MUC5AC: variants seen among roughly 807,000 people sequenced by gnomAD.
MUC5AC encodes the protein mucin 5AC, oligomeric mucus/gel-forming, also known as mucin-5AC.
MUC5AC carries 158 observed loss-of-function variants against 169.7 expected under a neutral mutation model. That is an observed-to-expected ratio of 0.93 (90% CI 0.82 to 1.06). The LOEUF (loss-of-function observed/expected upper bound fraction) is 1.06, where lower values mean the gene tolerates loss of function less well. Ranked by LOEUF, MUC5AC falls within the 50% of genes least tolerant of loss-of-function variation. MUC5AC has a pLI of 0.00. For missense variants in MUC5AC, 4,359 were observed against 3,089.9 expected (o/e 1.41, Z -9.74); for synonymous variants, 1,975 against 1,237.0 (o/e 1.60, Z -12.52).
chr11:1,180,622 C>A (rs922360196), intron 28 of MUC5AC, 106 bp downstream of exon 28: 6 of 397,966 alleles, frequency 1.5e-5, no homozygotes, highest in Admixed American at 4.4e-5. Context: ...GGGACCTCCC[C>A]GTTACTGGAG....
rs1463695187 is a variant in MUC5AC at position 1,192,485 on chromosome 11, A to C, written c.14340A>C (p.Gln4780His). 1 of 764,986 alleles carries C rather than the reference A, an allele frequency of 1.3e-6. No homozygotes were observed. The highest frequency in any genetic ancestry group is 2.4e-5 in the East Asian group (1 of 41,244). The allele number at this position is 764,986 out of a possible 1,614,324, so 47.4% of individuals were successfully genotyped here. ...CCAGCTCTGTGGCTTACTCCACCCA[A>C]ACCTGCTTCTGCAACGTGGCTGACC... ...VASSSVAYSTQTCFCNVADRL... is the reference protein window; with the variant it reads ...VASSSVAYSTHTCFCNVADRL... Residue 4780 changes from glutamine to histidine, a missense_variant, in exon 31 of 49, where the codon CAA becomes CAC. By Grantham distance (24) the Gln-to-His change is conservative (BLOSUM62 0). Transcript: ENST00000621226.
At chr11:1,163,236 G>A (rs1860198757) in intron 6 of MUC5AC, among the ~76,000 whole-genome samples, 191 bp downstream of exon 6, 1 of 152,256 alleles carries the variant, frequency 6.6e-6, no homozygotes, top group African/African-American at 2.4e-5. Flanking sequence ...AGGAGTGCAG[G>A]CAGGGAGCAA....
At position 1,192,400 on chromosome 11, in the gene MUC5AC, C is replaced by T; in HGVS notation, c.14255C>T (p.Ser4752Phe). 3 of 765,180 alleles carry T rather than the reference C, an allele frequency of 3.9e-6. No homozygotes were observed. The highest frequency in any genetic ancestry group is 7.2e-6 in the Non-Finnish European group (3 of 417,914). 47.4% of individuals were successfully genotyped at this position (765,180 alleles called of 1,614,324 possible). A position where few individuals can be genotyped will look rare whatever the true frequency, so the allele number is the denominator to read the frequency against. ...ACCAATGCTCTGTATCCTTCCCTGT[C>T]TACTTCCATGGTATCCGCCTCCGTG... ...SPTNALYPSL[S>F]TSMVSASVAS... is the part of the protein sequence containing the mutation. The change falls in exon 31 of 49, where the codon TCT (serine) becomes TTT (phenylalanine). Residue 4752 changes from serine to phenylalanine, a missense_variant. Physicochemically the swap from Ser to Phe is radical, Grantham distance 155. Coordinates refer to ENST00000621226, the MANE Select transcript of MUC5AC (RefSeq NM_001304359.2).
chr11:1,167,628 T>C (rs1414920321), intron 11 of MUC5AC, among the ~76,000 whole-genome samples: 1 of 152,180 alleles, frequency 6.6e-6, no homozygotes, highest in Non-Finnish European at 1.5e-5. Flanking sequence ...ACCTTCTGAG[T>C]GCTGTCTTTC....
chr11:1,158,760 TGCTCCTGG>T (rs1860039069), intron 1 of MUC5AC, among the ~76,000 whole-genome samples: 1 of 151,886 alleles, frequency 6.6e-6, no homozygotes, highest in African/African-American at 2.4e-5. Flanking sequence ...GGGGGGTGGG[TGCTCCTGG>T]GCTCCTGGAA....
chr11:1,198,003 C>T lies in MUC5AC; in HGVS notation c.16134C>T (p.Cys5378=), dbSNP rs755940469. Residue 5378 remains cysteine, a splice_region_variant and synonymous_variant, in exon 42 of 49, where the codon TGC becomes TGT. Transcript: ENST00000621226. ...GGGCCTGCTGCCCAGTCCAAAACTG[C>T]AGTGAGTGGCCTGGACCAGGCCCTG... The part of the protein sequence containing the change: ...QEGACCPVQN[C]SWTVCSINGT... 1.6e-4 allele frequency: 109 copies of T among 697,682 alleles called. No individual in the cohort carries two copies. The highest frequency in any genetic ancestry group is 1.5e-3 in the Middle Eastern group (6 of 4,026). The allele number at this position is 697,682 out of a possible 1,614,324, so 43.2% of individuals were successfully genotyped here.
chr11:1,178,685 TATGCTGGCC>T lies in MUC5AC; in HGVS notation c.3327+3_3327+11del, dbSNP rs1860743496. The T allele has an allele frequency of 7.7e-7, 1 of 1,290,856 alleles. No individual in the cohort carries two copies. The highest frequency in any genetic ancestry group is 9.9e-7 in the Non-Finnish European group (1 of 1,008,610). 80.0% of individuals were successfully genotyped at this position (1,290,856 alleles called of 1,614,324 possible). ...ACCTTCGCCGCCTGCCACGCACACG[TATGCTGGCC>T]GGGGGGCGTTTCTCTGGGCCCAAGG... is the stretch of plus-strand genomic sequence containing the variant. On this transcript the variant is annotated splice_donor_5th_base_variant and intron_variant, in intron 25 of 48. Transcript: ENST00000621226.
At chr11:1,194,011 T>TG (rs1861192179) in intron 33 of MUC5AC, 99 bp from the exon 34 acceptor site, 4 of 698,778 alleles carry the variant, frequency 5.7e-6, no homozygotes, top group Admixed American at 5.6e-5. Context: ...GATGAGACGG[T>TG]GGGGGGTCAG....
chr11:1,173,016 G>GC (rs1392311162), intron 16 of MUC5AC, among the ~76,000 whole-genome samples: 1,319 of 95,606 alleles, frequency 0.014, 19 homozygotes, highest in African/African-American at 0.051. Flanking sequence ...TCACCCATTC[G>GC]CCCCCCCACT....
intron 16 of MUC5AC, among the ~76,000 whole-genome samples, chr11:1,172,875 C>A (rs1288796024): frequency 6.6e-6 from 1 of 151,574 alleles, no homozygotes; most frequent in Non-Finnish European, 1.5e-5. Context: ...CTCACTCACC[C>A]ATTCACCCAT....
At position 1,200,678 on chromosome 11, in the gene MUC5AC, C is replaced by A; in HGVS notation, c.16941C>A (p.Gly5647=). Residue 5647 remains glycine, a synonymous_variant, in exon 49 of 49, where the codon GGC becomes GGA. Coordinates refer to ENST00000621226, the MANE Select transcript of MUC5AC (RefSeq NM_001304359.2). ...CAGAGAGTGGGAGCTGGGAGAGAGGCGTCCCAGTGTCCCCCATGCACTGAC... is the reference window on the plus strand; with the variant it reads ...CAGAGAGTGGGAGCTGGGAGAGAGGAGTCCCAGTGTCCCCCATGCACTGAC... The part of the protein sequence containing the change: ...QEAESGSWER[G]VPVSPMH 1.3e-6 allele frequency: 1 copy of A among 760,076 alleles called. No individual in the cohort carries two copies. The highest frequency in any genetic ancestry group is 2.4e-6 in the Non-Finnish European group (1 of 414,642). 47.1% of individuals were successfully genotyped at this position (760,076 alleles called of 1,614,324 possible).
At chr11:1,200,122 G>A (rs541837530) in intron 48 of MUC5AC, among the ~76,000 whole-genome samples, 153 bp downstream of exon 48, 7 of 152,284 alleles carry the variant, frequency 4.6e-5, no homozygotes, top group Non-Finnish European at 8.8e-5. Flanking sequence ...TCCTGAGATG[G>A]CAAGGGTGGG....
At chr11:1,161,619 G>T in intron 3 of MUC5AC, 33 bp downstream of exon 3, 2 of 1,592,744 alleles carry the variant, frequency 1.3e-6, no homozygotes, top group South Asian at 1.1e-5. Context: ...GGTGGGGAAG[G>T]GTCATAGCTT....
chr11:1,184,851 A>G lies in MUC5AC; in HGVS notation c.6706A>G (p.Arg2236Gly). ...GACAGCTCCTAGCACCCCTAGTGGG[A>G]GAGCCACCAGCCCAACTCAGAGCAC... is the stretch of plus-strand genomic sequence containing the variant. ...PVTAPSTPSG[R>G]ATSPTQSTSS... is the part of the protein sequence containing the mutation. Residue 2236 changes from arginine to glycine, a missense_variant, in exon 31 of 49, where the codon AGA becomes GGA. Transcript: ENST00000621226. 1 of 637,228 alleles carries G rather than the reference A, an allele frequency of 1.6e-6. No homozygotes were observed. The highest frequency in any genetic ancestry group is 2.8e-6 in the Non-Finnish European group (1 of 356,720). 39.5% of individuals were successfully genotyped at this position (637,228 alleles called of 1,614,324 possible). A position where few individuals can be genotyped will look rare whatever the true frequency, so the allele number is the denominator to read the frequency against.
intron 32 of MUC5AC, among the ~76,000 whole-genome samples, 180 bp downstream of exon 32, chr11:1,193,162 C>T (rs921659703): frequency 6.6e-6 from 1 of 152,254 alleles, no homozygotes; most frequent in Non-Finnish European, 1.5e-5. Context: ...CTGGGCTTCC[C>T]AGGCACGTGC....
chr11:1,161,659 G>A (rs1233252411), intron 3 of MUC5AC, 73 bp downstream of exon 3: 8 of 1,512,528 alleles, frequency 5.3e-6, no homozygotes, highest in African/African-American at 4.2e-5. Flanking sequence ...GCCTGGAGGT[G>A]CCGGGTGGAG....
rs773124366 is a variant in MUC5AC at position 1,196,661 on chromosome 11, C to T, written c.15770C>T (p.Pro5257Leu). The T allele has an allele frequency of 1.6e-4, 125 of 762,434 alleles. 1 individual carries two copies. Among genetic ancestry groups the T allele is most frequent in the Middle Eastern group, 4.5e-4 (2 of 4,450 alleles). The allele number at this position is 762,434 out of a possible 1,614,324, so 47.2% of individuals were successfully genotyped here. ...CCCATCACCGAAGGCTGCTTCTGTC[C>T]GGAGGGCATGACCCTCTTCAGCACC... ...AGPITEGCFC[P>L]EGMTLFSTSA... Residue 5257 changes from proline to leucine, a missense_variant, in exon 39 of 49, where the codon CCG (proline) becomes CTG (leucine). Physicochemically the swap from Pro to Leu is moderately conservative, Grantham distance 98. Transcript: ENST00000621226.
chr11:1,178,781 G>A, intron 25 of MUC5AC, 98 bp downstream of exon 25: 1 of 612,610 alleles, frequency 1.6e-6, no homozygotes, highest in Non-Finnish European at 2.4e-6. Flanking sequence ...GGAGACAGCT[G>A]CCAACCAAGG....
chr11:1,193,952 C>T (rs915766287), intron 33 of MUC5AC, among the ~76,000 whole-genome samples, 158 bp from the exon 34 acceptor site: 4 of 152,228 alleles, frequency 2.6e-5, no homozygotes, highest in Non-Finnish European at 4.4e-5. Context: ...TCTGTGCGGA[C>T]GCTGGCCACG....
Sources: allele counts gnomAD v4.1 joint callset (sites outside exome capture counted in the v4.1 genomes callset), GRCh38; gene constraint gnomAD v4.1.1; transcripts MANE v1.5; gene names NCBI Gene and HGNC (gene_info 2026-07-23, HGNC 2026-07-21).